BCAS3: variants seen among roughly 807,000 people sequenced by gnomAD.
The protein encoded by BCAS3 is BCAS3 microtubule associated cell migration factor.
A neutral mutation model predicts 116.1 loss-of-function variants in BCAS3; 53 were observed. The ratio of observed to expected loss-of-function variants is 0.46; its 90% confidence interval spans 0.37 to 0.57. The LOEUF is 0.57. Ranked by LOEUF, BCAS3 falls within the 20% of genes least tolerant of loss-of-function variation. The pLI, the probability that BCAS3 is intolerant of heterozygous loss-of-function variation, is 0.00. For synonymous variants in BCAS3, 391 were observed against 408.2 expected (o/e 0.96, Z 0.51); for missense variants, 917 against 1,165.4 (o/e 0.79, Z 3.10).
At chr17:60,842,966 G>A (rs1379066106) in intron 7 of BCAS3, among the ~76,000 whole-genome samples, 1 of 150,840 alleles carries the variant, frequency 6.6e-6, no homozygotes, top group Non-Finnish European at 1.5e-5. Flanking sequence ...TGAATTCCTG[G>A]GCTCAACGTA....
At chr17:60,820,388 A>G (rs568323043) in intron 7 of BCAS3, among the ~76,000 whole-genome samples, 1 of 152,112 alleles carries the variant, frequency 6.6e-6, no homozygotes, top group Non-Finnish European at 1.5e-5. Context: ...CTATGGGGTC[A>G]TCCCAGTCAG....
intron 22 of BCAS3, among the ~76,000 whole-genome samples, chr17:61,268,848 A>T (rs896900096): frequency 3.9e-5 from 6 of 152,004 alleles, no homozygotes; most frequent in Non-Finnish European, 5.9e-5. Flanking sequence ...GTGAGCCACC[A>T]CATCCAGCCA....
At chr17:61,246,197 A>G (rs1057251360) in intron 22 of BCAS3, among the ~76,000 whole-genome samples, 5 of 152,014 alleles carry the variant, frequency 3.3e-5, no homozygotes, top group Non-Finnish European at 5.9e-5. Flanking sequence ...ATAGGTTGCT[A>G]TGGCCGGGTA....
At position 61,084,477 on chromosome 17, in the gene BCAS3, G is replaced by A. The variant is rs770351719; in HGVS notation, c.2338G>A (p.Val780Ile). 3.1e-6 allele frequency: 5 copies of A among 1,612,354 alleles called. No individual in the cohort carries two copies. Among genetic ancestry groups the A allele is most frequent in the Non-Finnish European group, 3.4e-6 (4 of 1,179,582 alleles). ...LDLNSLRIQP[V>I]RSDPVSMPGS... ...TAAATTGCATTGCAGGATCCAGCCA[G>A]TCCGCTCTGACCCCGTCAGCATGCC... is the stretch of plus-strand genomic sequence containing the variant. The change falls in exon 22 of 24, where the codon GTC (valine) becomes ATC (isoleucine). Residue 780 changes from valine (V) to isoleucine (I), a missense_variant. By Grantham distance (29) the Val-to-Ile change is conservative. This residue lies in a region of BCAS3 where 807 missense variants were observed against 1,026.0 expected (regional missense o/e 0.79). Transcript: ENST00000407086. This position sits in a 1 kb window ranked among gnomAD's most constrained non-coding sequence, Gnocchi z 5.5.
At position 61,040,831 on chromosome 17, in the gene BCAS3, A is replaced by C. The variant is rs1257895115; in HGVS notation, c.1968A>C (p.Ala656=). The C allele has an allele frequency of 1.9e-6, 3 of 1,614,152 alleles. No homozygotes were observed. The highest frequency in any genetic ancestry group is 2.5e-6 in the Non-Finnish European group (3 of 1,180,028). ...QWNELQPPFN[A]NHPLLLAADA... ...ATGAATTGCAGCCACCGTTTAATGC[A>C]AACCACCCTCTGCTCCTCGCTGCAG... The change falls in exon 19 of 24, where the codon GCA becomes GCC. Residue 656 remains alanine (A), a synonymous_variant. Transcript: ENST00000407086.
rs551399826 is a variant in BCAS3, at chr17:61,037,655, C to T, written c.1763-234C>T. Among the ~76,000 whole-genome samples the T allele has an allele frequency of 6.6e-6, 1 of 152,164 alleles. No homozygotes were observed. Among genetic ancestry groups the T allele is most frequent in the Admixed American group, 6.5e-5 (1 of 15,282 alleles). On this transcript the variant is annotated intron_variant, in intron 17 of 23. Transcript: ENST00000407086. This position sits in a 1 kb window ranked among gnomAD's most constrained non-coding sequence, Gnocchi z 4.7. ...GGTGTGGTGACAGGAGCCTGTAATC[C>T]CAGCTACTCAAGAGGCTGAGGCGGG...
chr17:61,040,776 T>C lies in BCAS3; in HGVS notation c.1929-16T>C, dbSNP rs916230583. 1.3e-6 allele frequency: 2 copies of C among 1,595,040 alleles called. No individual in the cohort carries two copies. Among genetic ancestry groups the C allele is most frequent in the African/African-American group, 2.7e-5 (2 of 74,494 alleles). ...TATTAAGCTTAAATATTAATATTCT[T>C]CTCCTGTTTCCTTAGAACCCCTCAA... On this transcript the variant is annotated splice_polypyrimidine_tract_variant and intron_variant, in intron 18 of 23. Coordinates refer to ENST00000407086, the MANE Select transcript of BCAS3 (RefSeq NM_017679.5).
intron 7 of BCAS3, among the ~76,000 whole-genome samples, chr17:60,812,125 T>C (rs1242681157): frequency 1.3e-5 from 2 of 152,200 alleles, no homozygotes; most frequent in Non-Finnish European, 2.9e-5. Flanking sequence ...TGTCTTGTTG[T>C]TAAGTTTTTG....
Position 61,147,744 on chromosome 17 carries a change from C to T in BCAS3, c.2425+63180C>T, listed in dbSNP as rs556614145. Among the ~76,000 whole-genome samples the T allele has an allele frequency of 3.7e-3, 561 of 151,602 alleles. 1 individual carries two copies. Among genetic ancestry groups the T allele is most frequent in the Non-Finnish European group, 4.5e-3 (307 of 67,854 alleles). ...GCTCACGCCTGTAATCCCAGCACTT[C>T]GGGAGGCCGAGGTGGGCGGGTCACC... On this transcript the variant is annotated intron_variant, in intron 22 of 23. Coordinates refer to ENST00000407086, the MANE Select transcript of BCAS3 (RefSeq NM_017679.5).
In BCAS3 at chr17:61,339,004, G is replaced by A. The variant is rs916071380; in HGVS notation, c.2426-29323G>A. 2.0e-5 allele frequency among the ~76,000 whole-genome samples: 3 copies of A among 151,044 alleles called. No homozygotes were observed. The highest frequency in any genetic ancestry group is 1.9e-4 in the East Asian group (1 of 5,170). ...CCCTCTTCATACCCCATTTCTTAGT[G>A]GGCCAAAGTTTAACATCTTGGTTTT... On this transcript the variant is annotated intron_variant, in intron 22 of 23. Coordinates refer to ENST00000407086, the MANE Select transcript of BCAS3 (RefSeq NM_017679.5). This position sits in a 1 kb window ranked among gnomAD's most constrained non-coding sequence, Gnocchi z 4.4.
chr17:60,850,646 A>T lies in BCAS3; in HGVS notation c.477-17930A>T, dbSNP rs559872337. Among the ~76,000 whole-genome samples, 80 of 152,284 alleles carry T rather than the reference A, an allele frequency of 5.3e-4. 1 individual carries two copies. In the South Asian group the frequency reaches 0.012, roughly 23 times the overall value. The stretch of plus-strand genomic sequence containing the variant: ...AGTGCTGGGATTAGAGGCGTGAGCC[A>T]CTGCGCCCGGCCAATTTTAGACCTT... On this transcript the variant is annotated intron_variant, in intron 7 of 23. Coordinates refer to ENST00000407086, the MANE Select transcript of BCAS3 (RefSeq NM_017679.5).
At chr17:61,003,807 A>T (rs985761659) in intron 15 of BCAS3, 1 of 152,170 alleles carries the variant, frequency 6.6e-6, no homozygotes, top group Non-Finnish European at 1.5e-5. Flanking sequence ...CAGCTAATCA[A>T]CAAATCAATA....
rs1163816287 is a variant in BCAS3, at chr17:61,037,484, C to G, written c.1763-405C>G. 6.6e-6 allele frequency among the ~76,000 whole-genome samples: 1 copy of G among 152,156 alleles called. No individual in the cohort carries two copies. Among genetic ancestry groups the G allele is most frequent in the Admixed American group, 6.5e-5 (1 of 15,282 alleles). On this transcript the variant is annotated intron_variant, in intron 17 of 23. Coordinates refer to ENST00000407086, the MANE Select transcript of BCAS3 (RefSeq NM_017679.5). This position sits in a 1 kb window ranked among gnomAD's most constrained non-coding sequence, Gnocchi z 4.7. ...GGAACAAGCACCATATGAAAAAATT[C>G]CTGTCGTCTGAGCATGGTGGCTCAC...
chr17:60,899,455 G>A (rs1044432413), intron 10 of BCAS3, among the ~76,000 whole-genome samples: 2 of 152,080 alleles, frequency 1.3e-5, no homozygotes, highest in African/African-American at 2.4e-5. Context: ...CCCCTAGTGC[G>A]GGAATGAGCC....
rs1416024714 is a variant in BCAS3 at position 61,355,718 on chromosome 17, A to C, written c.2426-12609A>C. Among the ~76,000 whole-genome samples, 1 of 152,214 alleles carries C rather than the reference A, an allele frequency of 6.6e-6. No homozygotes were observed. The highest frequency in any genetic ancestry group is 1.5e-5 in the Non-Finnish European group (1 of 68,038). Reference sequence around the variant, plus strand: ...AGTAGCTATGCCTGATGCAAAGTGGACACCCGACAAATGTTAGTTATCTTA... The same window carrying C: ...AGTAGCTATGCCTGATGCAAAGTGGCCACCCGACAAATGTTAGTTATCTTA... On this transcript the variant is annotated intron_variant, in intron 22 of 23. Coordinates refer to ENST00000407086, the MANE Select transcript of BCAS3 (RefSeq NM_017679.5). The surrounding 1 kb of genome is among the most constrained non-coding windows in gnomAD (Gnocchi z 4.2).
rs564491776 is a variant in BCAS3, at chr17:61,158,048, CT to C, written c.2425+73492del. ...TTGCTTCTCCTTCCTATATGCAACTCTTTTTTTTATGAGACCTGTTAAACCT... is the reference window on the plus strand; with the variant it reads ...TTGCTTCTCCTTCCTATATGCAACTCTTTTTTTATGAGACCTGTTAAACCT... On this transcript the variant is annotated intron_variant, in intron 22 of 23. Transcript: ENST00000407086. 2.9e-3 allele frequency among the ~76,000 whole-genome samples: 446 copies of C among 152,062 alleles called. 4 individuals carry two copies. The highest frequency in any genetic ancestry group is 9.4e-3 in the African/African-American group (391 of 41,494).
At position 61,256,944 on chromosome 17, in the gene BCAS3, G is replaced by A. The variant is rs2048825320; in HGVS notation, c.2426-111383G>A. ...GGAGGTGAACCTAGGTTCTCTTTGA[G>A]GTATTTTCTCTACCAAAATCAAGAT... On this transcript the variant is annotated intron_variant, in intron 22 of 23. Coordinates refer to ENST00000407086, the MANE Select transcript of BCAS3 (RefSeq NM_017679.5). This position sits in a 1 kb window ranked among gnomAD's most constrained non-coding sequence, Gnocchi z 5.6. 6.6e-6 allele frequency among the ~76,000 whole-genome samples: 1 copy of A among 151,774 alleles called. No homozygotes were observed. The highest frequency in any genetic ancestry group is 1.5e-5 in the Non-Finnish European group (1 of 67,950).
chr17:60,888,937 T>C (rs933241745), intron 9 of BCAS3, among the ~76,000 whole-genome samples: 1 of 152,204 alleles, frequency 6.6e-6, no homozygotes, highest in Non-Finnish European at 1.5e-5. Flanking sequence ...GCTTCTTTAG[T>C]GCTTTTGAGC....
intron 21 of BCAS3, among the ~76,000 whole-genome samples, chr17:61,079,657 G>GTGATCTCT (rs1188274953): frequency 6.6e-6 from 1 of 152,000 alleles, no homozygotes; most frequent in Admixed American, 6.6e-5. Context: ...GTGCAATGGT[G>GTGATCTCT]TGATCTCTGC....
Sources: allele counts gnomAD v4.1 joint callset (sites outside exome capture counted in the v4.1 genomes callset), GRCh38; gene constraint gnomAD v4.1.1; regional missense constraint gnomAD v4.1.1; non-coding constraint Gnocchi (gnomAD v3.1); transcripts MANE v1.5; gene names NCBI Gene and HGNC (gene_info 2026-07-23, HGNC 2026-07-21).